Variants in PPFIA1 observed in about 807,000 individuals in gnomAD.
The protein encoded by PPFIA1 is PPFI scaffold protein A1.
A neutral mutation model predicts 149.9 loss-of-function variants in PPFIA1; 25 were observed. The observed-to-expected ratio is 0.17, with a 90% CI of 0.12 to 0.23. The LOEUF is 0.23. Ranked by LOEUF, PPFIA1 falls within the 10% of genes least tolerant of loss-of-function variation. The pLI is 1.00. For synonymous variants in PPFIA1, 549 were observed against 552.8 expected, an observed-to-expected ratio of 0.99 and a Z score of 0.10; for missense variants, 1,362 against 1,506.5, an observed-to-expected ratio of 0.90 and a Z score of 1.59.
intron 2 of PPFIA1, among the ~76,000 whole-genome samples, chr11:70,277,288 T>A (rs1304332636): frequency 6.6e-6 from 1 of 151,736 alleles, no homozygotes; most frequent in African/African-American, 2.4e-5. Context: ...AACAATGGGA[T>A]CCAGGCGTGA....
intron 2 of PPFIA1, among the ~76,000 whole-genome samples, chr11:70,303,688 C>T (rs577962675): frequency 6.3e-4 from 96 of 152,246 alleles, no homozygotes; most frequent in African/African-American, 2.1e-3. Context: ...ACTGGCTACC[C>T]CCTAGGTAGC....
intron 2 of PPFIA1, among the ~76,000 whole-genome samples, chr11:70,274,681 G>A (rs1054027125): frequency 1.3e-5 from 2 of 151,896 alleles, no homozygotes; most frequent in East Asian, 3.9e-4. Context: ...TTTTACACGT[G>A]CTCCCCTAAT....
At chr11:70,358,474 C>T (rs1040381428) in intron 19 of PPFIA1, 5 of 152,326 alleles carry the variant, frequency 3.3e-5, no homozygotes, top group Non-Finnish European at 5.9e-5. Flanking sequence ...CTGTCCACCT[C>T]GGCCTCCCAA....
rs372351393 is a variant in PPFIA1 at position 70,356,177 on chromosome 11, G to A, written c.2505G>A (p.Thr835=). 4.0e-5 allele frequency: 64 copies of A among 1,613,802 alleles called. No individual in the cohort carries two copies. Among genetic ancestry groups the A allele is most frequent in the African/African-American group, 2.7e-4 (20 of 74,846 alleles). ...TCCTCACAGCTGGTGTTTCCGAGAC[G>A]GATAACTCATCTCAGGATGCCTTGG... The part of the protein sequence containing the change: ...EALGQAGVSE[T]DNSSQDALGL... Residue 835 remains threonine, a synonymous_variant, in exon 19 of 28, where the codon ACG becomes ACA. Coordinates refer to ENST00000253925, the MANE Select transcript of PPFIA1 (RefSeq NM_003626.5).
intron 18 of PPFIA1, 52 bp from the exon 19 acceptor site, chr11:70,356,109 T>C: frequency 2.2e-6 from 3 of 1,389,002 alleles, no homozygotes; most frequent in South Asian, 1.2e-5. Flanking sequence ...TATGAAAACA[T>C]AGAGCTTTGT....
At chr11:70,315,069 C>T (rs1359588614) in intron 2 of PPFIA1, among the ~76,000 whole-genome samples, 1 of 152,152 alleles carries the variant, frequency 6.6e-6, no homozygotes, top group African/African-American at 2.4e-5. Context: ...CCCTCATGAT[C>T]CAGTTACCTC....
At chr11:70,331,768 A>G (rs1185697494) in intron 8 of PPFIA1, among the ~76,000 whole-genome samples, 192 bp from the exon 9 acceptor site, 1 of 149,688 alleles carries the variant, frequency 6.7e-6, no homozygotes, top group African/African-American at 2.5e-5. Flanking sequence ...TGACAAAGCG[A>G]GACTATGTCT....
chr11:70,321,931 G>A (rs1003650606), intron 2 of PPFIA1, among the ~76,000 whole-genome samples: 6 of 152,202 alleles, frequency 3.9e-5, no homozygotes, highest in African/African-American at 1.4e-4. Context: ...ATGCAGTGGT[G>A]CAATCTCGGC....
chr11:70,331,007 G>A (rs940601050), intron 8 of PPFIA1, among the ~76,000 whole-genome samples: 1 of 152,114 alleles, frequency 6.6e-6, no homozygotes. Context: ...GCCGAGGCAG[G>A]TGGATCATGA....
chr11:70,321,850 G>A (rs1198794027), intron 2 of PPFIA1, among the ~76,000 whole-genome samples: 2 of 152,226 alleles, frequency 1.3e-5, no homozygotes, highest in Non-Finnish European at 2.9e-5. Context: ...TGACAGTTAT[G>A]TGCCATATTA....
intron 15 of PPFIA1, among the ~76,000 whole-genome samples, chr11:70,346,336 C>G (rs141085833): frequency 6.6e-6 from 1 of 151,856 alleles, no homozygotes; most frequent in Non-Finnish European, 1.5e-5. Flanking sequence ...GTGAAGTTTA[C>G]GTGGGTGGAG....
At chr11:70,368,500 G>C (rs753057927) in intron 21 of PPFIA1, among the ~76,000 whole-genome samples, 3 of 152,194 alleles carry the variant, frequency 2.0e-5, no homozygotes, top group Non-Finnish European at 2.9e-5. Flanking sequence ...CTCAGCTGCA[G>C]ACTTCAGGTA....
chr11:70,368,026 T>C (rs1237671692), intron 21 of PPFIA1, among the ~76,000 whole-genome samples: 1 of 152,052 alleles, frequency 6.6e-6, no homozygotes, highest in African/African-American at 2.4e-5. Flanking sequence ...TAGTCCCAGC[T>C]GTTTGGGAGG....
At chr11:70,361,288 A>G (rs1329610733) in intron 19 of PPFIA1, among the ~76,000 whole-genome samples, 1 of 152,226 alleles carries the variant, frequency 6.6e-6, no homozygotes, top group Non-Finnish European at 1.5e-5. Context: ...AAATCCATGG[A>G]AGCTTAAGTC....
chr11:70,286,953 C>CTA (rs1555081003), intron 2 of PPFIA1, among the ~76,000 whole-genome samples: 4 of 147,292 alleles, frequency 2.7e-5, no homozygotes, highest in Non-Finnish European at 4.5e-5. Flanking sequence ...TACACATATA[C>CTA]TATATATATA....
rs763371043 is a variant in PPFIA1 at position 70,324,885 on chromosome 11, T to C, written c.405T>C (p.His135=). The change falls in exon 4 of 28, where the codon CAT becomes CAC. Residue 135 remains histidine (H), a synonymous_variant. Coordinates refer to ENST00000253925, the MANE Select transcript of PPFIA1 (RefSeq NM_003626.5). ...ATTTGGAATGCCTTGTCTCCAGGCATGAGCGGTCTCTTAGGATGACCGTGG... is the reference window on the plus strand; with the variant it reads ...ATTTGGAATGCCTTGTCTCCAGGCACGAGCGGTCTCTTAGGATGACCGTGG... ...LEHLECLVSR[H]ERSLRMTVVK... is the part of the protein sequence containing the mutation. 1.6e-5 allele frequency: 26 copies of C among 1,611,212 alleles called. No individual in the cohort carries two copies. Among genetic ancestry groups the C allele is most frequent in the Non-Finnish European group, 2.0e-5 (23 of 1,178,758 alleles).
chr11:70,291,819 T>C (rs1369753747), intron 2 of PPFIA1, among the ~76,000 whole-genome samples: 2 of 149,582 alleles, frequency 1.3e-5, no homozygotes, highest in Admixed American at 6.7e-5. Context: ...CACAGGCATG[T>C]GTCACCACGC....
chr11:70,272,066 A>C, intron 1 of PPFIA1, 107 bp from the exon 2 acceptor site: 1 of 1,233,622 alleles, frequency 8.1e-7, no homozygotes, highest in South Asian at 1.4e-5. Flanking sequence ...AGATCTGAGC[A>C]TAATGAGACT....
chr11:70,372,972 C>G (rs1050362750), intron 23 of PPFIA1, among the ~76,000 whole-genome samples: 3 of 152,146 alleles, frequency 2.0e-5, no homozygotes, highest in African/African-American at 7.2e-5. Context: ...CCAAGGGGTT[C>G]AGGAGAACAG....
Sources: allele counts gnomAD v4.1 joint callset (sites outside exome capture counted in the v4.1 genomes callset), GRCh38; gene constraint gnomAD v4.1.1; transcripts MANE v1.5; gene names NCBI Gene and HGNC (gene_info 2026-07-23, HGNC 2026-07-21).